OXR1: variants seen among roughly 807,000 people sequenced by gnomAD.
The protein encoded by OXR1 is oxidation resistance protein 1.
OXR1 carries 41 observed loss-of-function variants against 104.6 expected under a neutral mutation model. The observed-to-expected ratio is 0.39, with a 90% confidence interval of 0.31 to 0.51. OXR1 has a LOEUF of 0.51. Among genes scored for constraint, OXR1 ranks in the 20% least tolerant of loss-of-function variants. The pLI is 0.77. For synonymous variants in OXR1, 348 were observed against 348.4 expected, an observed-to-expected ratio of 1.00 and a Z score of 0.01; for missense variants, 955 against 1,031.9, an observed-to-expected ratio of 0.93 and a Z score of 1.02.
chr8:106,605,677 T>C (rs999998265), intron 3 of OXR1, among the ~76,000 whole-genome samples: 56 of 149,166 alleles, frequency 3.8e-4, no homozygotes, highest in African/African-American at 1.3e-3. Flanking sequence ...TGGGCGCCTG[T>C]AATCCCAGCT....
chr8:106,594,236 T>C (rs916506188), intron 3 of OXR1, among the ~76,000 whole-genome samples: 7 of 152,242 alleles, frequency 4.6e-5, no homozygotes, highest in African/African-American at 1.4e-4. Context: ...GTCTCTATTT[T>C]GGGAGCTGAT....
intron 3 of OXR1, among the ~76,000 whole-genome samples, chr8:106,634,607 A>G (rs1822979365): frequency 6.6e-6 from 1 of 152,304 alleles, no homozygotes; most frequent in Non-Finnish European, 1.5e-5. Context: ...AAGTATAAGG[A>G]TGATATTCCT....
rs184875821 is a variant in OXR1, at chr8:106,670,889, A to G, written c.221-8321A>G. On this transcript the variant is annotated intron_variant, in intron 3 of 16. Transcript: ENST00000517566. ...CATGGGGAAACCCTGTCTCTACTAA[A>G]AATATAAAAATCAGGCGTGGTGGTG... is the stretch of plus-strand genomic sequence containing the variant. 1.6e-3 allele frequency among the ~76,000 whole-genome samples: 237 copies of G among 152,056 alleles called. 2 individuals are homozygous for G. The highest frequency in any genetic ancestry group is 5.5e-3 in the African/African-American group (228 of 41,458).
At chr8:106,490,343 T>TTTGATTGATTGA (rs148049476) in intron 2 of OXR1, among the ~76,000 whole-genome samples, 2 of 151,632 alleles carry the variant, frequency 1.3e-5, no homozygotes, top group African/African-American at 2.4e-5. Flanking sequence ...GGATGCGGTA[T>TTTGATTGATTGA]TTGATTGATT....
chr8:106,592,496 A>G (rs1819174888), intron 3 of OXR1, among the ~76,000 whole-genome samples: 1 of 152,096 alleles, frequency 6.6e-6, no homozygotes, highest in Non-Finnish European at 1.5e-5. Flanking sequence ...AAGTGATGGA[A>G]CCAAGATTCG....
Position 106,307,562 on chromosome 8 carries a change from CT to C in OXR1, c.-139+37205del, listed in dbSNP as rs112962592. On this transcript the variant is annotated intron_variant, in intron 1 of 16. Transcript: ENST00000517566. ...CACTGGCCTAAGGGATTTTTTTGTC[CT>C]TTTTTTTTTGTTGTTCTGTTTTAAT... Among the ~76,000 whole-genome samples, 571 of 147,262 alleles carry C rather than the reference CT, an allele frequency of 3.9e-3. 4 individuals carry two copies. The highest frequency in any genetic ancestry group is 0.011 in the African/African-American group (460 of 40,214).
intron 2 of OXR1, among the ~76,000 whole-genome samples, chr8:106,427,314 C>G (rs945087491): frequency 6.6e-5 from 10 of 151,974 alleles, no homozygotes; most frequent in Admixed American, 5.9e-4. Context: ...CTACAGGTGA[C>G]CACCACCACG....
intron 7 of OXR1, among the ~76,000 whole-genome samples, chr8:106,695,788 A>G (rs1829963737): frequency 6.7e-6 from 1 of 148,522 alleles, no homozygotes; most frequent in Admixed American, 6.8e-5. Context: ...ATTTTATGCC[A>G]CTTTATCTTT....
intron 2 of OXR1, among the ~76,000 whole-genome samples, chr8:106,471,708 T>A (rs868417324): frequency 8.6e-5 from 13 of 151,992 alleles, no homozygotes; most frequent in East Asian, 3.9e-4. Context: ...GAGATTTTTT[T>A]AAAATTTGCT....
intron 15 of OXR1, among the ~76,000 whole-genome samples, chr8:106,742,785 A>G (rs1835030433): frequency 6.6e-6 from 1 of 152,210 alleles, no homozygotes; most frequent in South Asian, 2.1e-4. Flanking sequence ...TAAACCATAT[A>G]CAAACATTAA....
At chr8:106,593,906 C>T (rs1819310706) in intron 3 of OXR1, among the ~76,000 whole-genome samples, 1 of 152,196 alleles carries the variant, frequency 6.6e-6, no homozygotes, top group Admixed American at 6.5e-5. Context: ...ATTGGACATC[C>T]TGCCAAGCCC....
In OXR1 at chr8:106,308,938, G is replaced by T. The variant is rs568002084; in HGVS notation, c.-139+38571G>T. On this transcript the variant is annotated intron_variant, in intron 1 of 16. Transcript: ENST00000517566. ...CTTAATTTGTAGTACTCAATGAAAA[G>T]CTCTGGTACTACTGGAGGATTTATA... Among the ~76,000 whole-genome samples the T allele has an allele frequency of 2.0e-4, 30 of 152,066 alleles. 1 individual carries two copies. In the South Asian group the frequency reaches 3.1e-3, roughly 16 times the overall value.
chr8:106,696,376 A>ATTTAAT (rs1272157112), intron 7 of OXR1, among the ~76,000 whole-genome samples: 2 of 152,212 alleles, frequency 1.3e-5, no homozygotes, highest in African/African-American at 2.4e-5. Flanking sequence ...TTCCACTATT[A>ATTTAAT]AATGACATCT....
At chr8:106,723,679 AAAACAAAC>A (rs139333777) in intron 11 of OXR1, among the ~76,000 whole-genome samples, 4 of 151,690 alleles carry the variant, frequency 2.6e-5, no homozygotes, top group African/African-American at 9.7e-5. Context: ...CTCAAAACAA[AAAACAAAC>A]AAACAAAAAA....
chr8:106,495,797 T>C (rs1036005324), intron 2 of OXR1, among the ~76,000 whole-genome samples: 3 of 152,176 alleles, frequency 2.0e-5, no homozygotes, highest in Non-Finnish European at 4.4e-5. Context: ...AAATTGTTTA[T>C]AAAATACTTT....
At chr8:106,570,861 G>A (rs915035592) in intron 3 of OXR1, among the ~76,000 whole-genome samples, 2 of 152,078 alleles carry the variant, frequency 1.3e-5, no homozygotes, top group African/African-American at 4.8e-5. Flanking sequence ...AAGAGCACAG[G>A]TTTTTCACTC....
At chr8:106,447,810 G>A in intron 2 of OXR1, 2 of 1,130,384 alleles carry the variant, frequency 1.8e-6, no homozygotes, top group African/African-American at 1.6e-5. Flanking sequence ...CATATTCTTT[G>A]GGTGATAACA....
intron 2 of OXR1, among the ~76,000 whole-genome samples, chr8:106,384,394 A>G (rs1359177698): frequency 6.6e-6 from 1 of 152,172 alleles, no homozygotes. Flanking sequence ...CATGTTCTTA[A>G]TGACAGTGCT....
intron 1 of OXR1, among the ~76,000 whole-genome samples, chr8:106,296,507 C>G (rs187149569): frequency 2.0e-5 from 3 of 152,248 alleles, no homozygotes; most frequent in Admixed American, 2.0e-4. Flanking sequence ...GATAAGTAAC[C>G]TAGTCAAAGA....
Sources: gnomAD v4.1 joint callset for allele counts (sites outside exome capture counted in the v4.1 genomes callset) on GRCh38, gnomAD v4.1.1 for gene constraint, MANE v1.5 for transcripts, NCBI Gene and HGNC (gene_info 2026-07-23, HGNC 2026-07-21) for gene names.